IRAG2: variants seen among roughly 807,000 people sequenced by gnomAD.
IRAG2 encodes lymphoid restricted membrane protein.
A neutral mutation model predicts 69.9 loss-of-function variants in IRAG2; 45 were observed. That is an observed-to-expected ratio of 0.64 (90% CI 0.51 to 0.83). IRAG2 has a LOEUF of 0.83. Among genes scored for constraint, IRAG2 ranks in the 40% least tolerant of loss-of-function variants. The probability of loss-of-function intolerance (pLI) is 0.00; values close to 1 mark genes in which losing one functional copy is unlikely to be tolerated. For missense variants in IRAG2, 520 were observed against 587.0 expected (o/e 0.89, Z 1.18); for synonymous variants, 193 against 202.4 (o/e 0.95, Z 0.40).
chr12:25,097,449 A>G (rs1948489373), intron 15 of IRAG2: 1 of 153,296 alleles, frequency 6.5e-6, no homozygotes, highest in African/African-American at 2.4e-5. Flanking sequence ...TATTTAACCA[A>G]TTCCTTGTAT....
At chr12:25,068,041 A>G (rs1184821055) in intron 5 of IRAG2, among the ~76,000 whole-genome samples, 1 of 152,084 alleles carries the variant, frequency 6.6e-6, no homozygotes, top group Non-Finnish European at 1.5e-5. Flanking sequence ...AGGTTTCGCC[A>G]TGTTTGCCAG....
At chr12:25,080,343 TTTTTC>T (rs1947113997) in intron 9 of IRAG2, among the ~76,000 whole-genome samples, 2 of 149,566 alleles carry the variant, frequency 1.3e-5, no homozygotes, top group African/African-American at 2.5e-5. Flanking sequence ...AAATTCATTC[TTTTTC>T]TTTTATCTTT....
intron 15 of IRAG2, 118 bp from the exon 16 acceptor site, chr12:25,101,060 C>A (rs1365510306): frequency 4.8e-5 from 36 of 753,848 alleles, no homozygotes; most frequent in Middle Eastern, 2.6e-4. Flanking sequence ...AAAAAAAAAA[C>A]ATTTATTGCC....
intron 9 of IRAG2, among the ~76,000 whole-genome samples, chr12:25,029,587 A>G (rs1944652979): frequency 6.6e-6 from 1 of 152,186 alleles, no homozygotes; most frequent in African/African-American, 2.4e-5. Flanking sequence ...TATGCCAACA[A>G]GCTTGCTTTT....
intron 6 of IRAG2, among the ~76,000 whole-genome samples, chr12:25,020,424 T>C (rs1944568755): frequency 6.6e-6 from 1 of 152,226 alleles, no homozygotes. Context: ...GTAGAGCACC[T>C]AGAACATGGT....
At chr12:25,056,469 G>T (rs1945266865) in intron 1 of IRAG2, among the ~76,000 whole-genome samples, 1 of 152,224 alleles carries the variant, frequency 6.6e-6, no homozygotes, top group South Asian at 2.1e-4. Flanking sequence ...ACAAACCTGT[G>T]TTCTCACTCA....
intron 6 of IRAG2, chr12:25,020,694 T>C (rs1944571327): frequency 2.1e-6 from 1 of 477,546 alleles, no homozygotes; most frequent in South Asian, 1.2e-4. Context: ...TTTAGTGGTT[T>C]TCAACTTGGG....
At chr12:25,069,882 AT>A (rs1946223442) in intron 6 of IRAG2, among the ~76,000 whole-genome samples, 1 of 152,208 alleles carries the variant, frequency 6.6e-6, no homozygotes, top group South Asian at 2.1e-4. Context: ...GTAGTAAGGT[AT>A]TAATTGGCAA....
intron 3 of IRAG2, among the ~76,000 whole-genome samples, chr12:25,014,165 AGGCCC>A (rs1201587731): frequency 1.3e-5 from 2 of 151,706 alleles, no homozygotes; most frequent in Non-Finnish European, 2.9e-5. Flanking sequence ...GTGAGCCACC[AGGCCC>A]GGCCTAATTT....
At chr12:25,107,222 TGA>T (rs1949228793) in intron 21 of IRAG2, among the ~76,000 whole-genome samples, 172 bp downstream of exon 21, 1 of 152,206 alleles carries the variant, frequency 6.6e-6, no homozygotes, top group African/African-American at 2.4e-5. Flanking sequence ...TTATCTATTT[TGA>T]GAGACAGACT....
chr12:25,088,007 C>A, intron 10 of IRAG2, 93 bp from the exon 11 acceptor site: 2 of 896,808 alleles, frequency 2.2e-6, no homozygotes, highest in South Asian at 1.5e-5. Context: ...GTGTTTTTGT[C>A]AGAGTAGGCT....
At chr12:25,092,479 C>T (rs1345907900) in intron 14 of IRAG2, among the ~76,000 whole-genome samples, 1 of 147,466 alleles carries the variant, frequency 6.8e-6, no homozygotes, top group East Asian at 2.0e-4. Flanking sequence ...GCAGGAGAAT[C>T]GCTTGAACTC....
intron 3 of IRAG2, 149 bp downstream of exon 3, chr12:25,063,049 G>C (rs11047797): frequency 0.19 from 72,898 of 390,834 alleles, 7,552 homozygotes; most frequent in African/African-American, 0.26. Flanking sequence ...CAACAGATAC[G>C]TGTTTTTGTA....
rs143885693 is a variant in IRAG2 at position 25,054,241 on chromosome 12, A to G, written c.-447+1285A>G. Among the ~76,000 whole-genome samples, 77 of 152,296 alleles carry G rather than the reference A, an allele frequency of 5.1e-4. 1 individual carries two copies. The highest frequency in any genetic ancestry group is 1.8e-3 in the African/African-American group (75 of 41,564). On this transcript the variant is annotated intron_variant, in intron 1 of 21. Transcript: ENST00000556887. ...TACACAGTCTGTGTGTTATTTTACT[A>G]CTGCTCAGAGGGCATTGGAGAAGGT...
chr12:25,101,322 G>T lies in IRAG2; in HGVS notation c.886G>T (p.Asp296Tyr), dbSNP rs780732072. The T allele has an allele frequency of 6.3e-7, 1 of 1,588,872 alleles. No individual in the cohort carries two copies. The highest frequency in any genetic ancestry group is 8.6e-7 in the Non-Finnish European group (1 of 1,167,448). The part of the protein sequence containing the change: ...NERSFNPLED[D>Y]DDCQIKKRSA... ...AAGGTCTTTCAATCCTCTTGAAGAT[G>T]ATGGTAATAAAAGTTTATGATAATA... The change falls in exon 16 of 22, where the codon GAT becomes TAT. Residue 296 changes from aspartate to tyrosine, a missense_variant. Asp to Tyr is a radical substitution (Grantham distance 160). Transcript: ENST00000556887.
chr12:25,096,128 A>G lies in IRAG2; in HGVS notation c.607-782A>G, dbSNP rs562022738. The stretch of plus-strand genomic sequence containing the variant: ...ATACGTGATTGTCCCCACTGGACAG[A>G]TAAGGAACAGCAAATCAGAAAGGTT... On this transcript the variant is annotated intron_variant, in intron 14 of 21. Coordinates refer to ENST00000556887, the MANE Select transcript of IRAG2 (RefSeq NM_001366544.2). Among the ~76,000 whole-genome samples, 8 of 21,974 alleles carry G rather than the reference A, an allele frequency of 3.6e-4. No individual in the cohort carries two copies. In the South Asian group the frequency reaches 0.067, roughly 183 times the overall value. The allele number at this position is 21,974 out of a possible 152,430, so 14.4% of individuals were successfully genotyped here.
chr12:25,042,899 C>T (rs1944762027), intron 16 of IRAG2, among the ~76,000 whole-genome samples: 1 of 151,480 alleles, frequency 6.6e-6, no homozygotes, highest in Non-Finnish European at 1.5e-5. Context: ...TTATGATGGT[C>T]CTTAAAGTCC....
chr12:25,087,153 CTTTT>C (rs780510333), intron 10 of IRAG2, among the ~76,000 whole-genome samples: 4 of 76,678 alleles, frequency 5.2e-5, no homozygotes, highest in Non-Finnish European at 9.4e-5. Flanking sequence ...ACTCTCCTTC[CTTTT>C]TTTTTTTTTT....
chr12:24,997,759 G>C, the IRAG2 span, among the ~76,000 whole-genome samples: 5 of 152,168 alleles, frequency 3.3e-5, no homozygotes, highest in Non-Finnish European at 7.3e-5. Flanking sequence ...CAAAATGCTT[G>C]TGGCAAAAGG....
Sources: gnomAD v4.1 joint callset for allele counts (sites outside exome capture counted in the v4.1 genomes callset) on GRCh38, gnomAD v4.1.1 for gene constraint, MANE v1.5 for transcripts, NCBI Gene and HGNC (gene_info 2026-07-23, HGNC 2026-07-21) for gene names.